Variants in CTNNA3 observed in about 807,000 individuals in gnomAD.
CTNNA3 encodes the protein catenin alpha 3.
Under a neutral mutation model 95.7 loss-of-function variants are expected in CTNNA3, and 76 were observed. The observed-to-expected ratio is 0.79, with a 90% CI of 0.66 to 0.96. The LOEUF (loss-of-function observed/expected upper bound fraction) is 0.96, where lower values mean the gene tolerates loss of function less well. Ranked by LOEUF, CTNNA3 falls within the 40% of genes least tolerant of loss-of-function variation. The pLI, the probability that CTNNA3 is intolerant of heterozygous loss-of-function variation, is 0.00. For missense variants in CTNNA3, 1,191 were observed against 1,089.8 expected, an observed-to-expected ratio of 1.09 and a Z score of -1.31; for synonymous variants, 431 against 374.4, an observed-to-expected ratio of 1.15 and a Z score of -1.74.
chr10:66,113,929 G>C (rs1012146636), intron 13 of CTNNA3, among the ~76,000 whole-genome samples: 1 of 152,030 alleles, frequency 6.6e-6, no homozygotes, highest in East Asian at 1.9e-4. Context: ...CTTGATCTAT[G>C]GGGGGAGGTG....
At chr10:66,310,742 A>C (rs1469257550) in intron 12 of CTNNA3, among the ~76,000 whole-genome samples, 1 of 144,276 alleles carries the variant, frequency 6.9e-6, no homozygotes, top group Non-Finnish European at 1.5e-5. Context: ...GCTGGAGTGC[A>C]GTGGTGCGAA....
chr10:66,617,546 T>C (rs568114573), intron 10 of CTNNA3, among the ~76,000 whole-genome samples: 2 of 152,266 alleles, frequency 1.3e-5, no homozygotes, highest in South Asian at 2.1e-4. Context: ...AATCAGGTAT[T>C]GATGGGACGT....
At chr10:66,509,030 G>T (rs553554299) in intron 11 of CTNNA3, among the ~76,000 whole-genome samples, 1 of 152,072 alleles carries the variant, frequency 6.6e-6, no homozygotes, top group South Asian at 2.1e-4. Flanking sequence ...CATTTCTTCT[G>T]CATCAACACC....
intron 15 of CTNNA3, among the ~76,000 whole-genome samples, chr10:65,994,805 T>C (rs1306474760): frequency 2.0e-5 from 3 of 152,160 alleles, no homozygotes; most frequent in African/African-American, 7.2e-5. Flanking sequence ...TTTGGTTACT[T>C]TATGGAGCCC....
At chr10:66,641,145 T>G (rs1589055686) in intron 9 of CTNNA3, among the ~76,000 whole-genome samples, 1 of 152,214 alleles carries the variant, frequency 6.6e-6, no homozygotes, top group Middle Eastern at 3.4e-3. Flanking sequence ...GGCCTATCCT[T>G]AGGAAGGAAA....
Position 65,920,456 on chromosome 10 carries a change from T to C in CTNNA3, c.2562A>G (p.Ala854=), listed in dbSNP as rs752661010. The change falls in exon 18 of 18, where the codon GCA becomes GCG. Residue 854 remains alanine, a synonymous_variant. Transcript: ENST00000433211. ...PVVMWRMKAP[A]KKPLIKREKP... Reference sequence around the variant, plus strand: ...TCTCTCTTTTAATCAAGGGTTTTTTTGCAGGAGCCTTCATTCTCCACATCA... The same window carrying C: ...TCTCTCTTTTAATCAAGGGTTTTTTCGCAGGAGCCTTCATTCTCCACATCA... The C allele has an allele frequency of 2.4e-5, 39 of 1,614,066 alleles. No individual in the cohort carries two copies. Among genetic ancestry groups the C allele is most frequent in the Non-Finnish European group, 3.2e-5 (38 of 1,180,036 alleles).
chr10:67,562,667 G>A (rs1263310397), intron 3 of CTNNA3, among the ~76,000 whole-genome samples: 2 of 151,796 alleles, frequency 1.3e-5, no homozygotes, highest in South Asian at 2.1e-4. Context: ...GTAAATAAAG[G>A]GTATTCAATT....
At chr10:66,403,029 T>C (rs1413494449) in intron 11 of CTNNA3, among the ~76,000 whole-genome samples, 2 of 152,140 alleles carry the variant, frequency 1.3e-5, no homozygotes, top group East Asian at 3.9e-4. Context: ...CAATTGCAAA[T>C]CAGAAAATCG....
intron 5 of CTNNA3, among the ~76,000 whole-genome samples, chr10:67,344,474 G>T (rs1044067869): frequency 6.6e-6 from 1 of 151,982 alleles, no homozygotes; most frequent in Non-Finnish European, 1.5e-5. Context: ...AAGCCACTGG[G>T]TCTGGGCTTT....
intron 6 of CTNNA3, among the ~76,000 whole-genome samples, chr10:67,190,346 T>C (rs1863063513): frequency 6.6e-6 from 1 of 152,022 alleles, no homozygotes; most frequent in South Asian, 2.1e-4. Context: ...ACAACAACAC[T>C]TTGTATTTTC....
At chr10:67,445,249 A>C (rs959831363) in intron 5 of CTNNA3, among the ~76,000 whole-genome samples, 4 of 152,086 alleles carry the variant, frequency 2.6e-5, no homozygotes, top group African/African-American at 9.7e-5. Flanking sequence ...ACCAAAGAAA[A>C]GCAACTTCAT....
At chr10:66,226,863 T>C (rs1004966768) in intron 13 of CTNNA3, among the ~76,000 whole-genome samples, 14 of 152,140 alleles carry the variant, frequency 9.2e-5, no homozygotes, top group Admixed American at 6.6e-5. Flanking sequence ...TCACTAAGTT[T>C]ATTATTGGTG....
chr10:67,114,554 A>G (rs920428315), intron 7 of CTNNA3, among the ~76,000 whole-genome samples: 2 of 152,108 alleles, frequency 1.3e-5, no homozygotes, highest in Non-Finnish European at 2.9e-5. Flanking sequence ...TTGTTATACT[A>G]TAAATATGGA....
chr10:66,219,054 C>T (rs969959953), intron 13 of CTNNA3, among the ~76,000 whole-genome samples: 4 of 152,132 alleles, frequency 2.6e-5, no homozygotes, highest in South Asian at 2.1e-4. Context: ...TATGTGGGAA[C>T]AGATAACTTA....
At chr10:66,914,650 G>A (rs1028668858) in intron 7 of CTNNA3, among the ~76,000 whole-genome samples, 2 of 151,522 alleles carry the variant, frequency 1.3e-5, no homozygotes, top group Non-Finnish European at 2.9e-5. Flanking sequence ...AACTTAAAAA[G>A]AGCTCATGGA....
intron 7 of CTNNA3, among the ~76,000 whole-genome samples, chr10:66,966,831 CTG>C (rs1849442540): frequency 6.6e-6 from 1 of 152,048 alleles, no homozygotes; most frequent in Non-Finnish European, 1.5e-5. Context: ...CTCCATATCT[CTG>C]TGTTACCCAA....
At chr10:67,556,579 C>A (rs1382161604) in intron 3 of CTNNA3, among the ~76,000 whole-genome samples, 1 of 152,096 alleles carries the variant, frequency 6.6e-6, no homozygotes, top group East Asian at 1.9e-4. Context: ...TACTTTGTAT[C>A]TCTGTGGGAT....
intron 5 of CTNNA3, among the ~76,000 whole-genome samples, chr10:67,284,945 G>A (rs1839539516): frequency 6.6e-6 from 1 of 152,078 alleles, no homozygotes; most frequent in Admixed American, 6.5e-5. Flanking sequence ...CTCACCCCCT[G>A]GGGGTGGCAC....
In CTNNA3 at chr10:66,068,996, C is replaced by G. The variant is rs1356249313; in HGVS notation, c.2159+312G>C. The stretch of plus-strand genomic sequence containing the variant: ...AGATAGCTCCAATACCAGCGAATCA[C>G]TTGGTTTACCAAATTCTTTGTAGAA... On this transcript the variant is annotated intron_variant, in intron 15 of 17. Transcript: ENST00000433211. Among the ~76,000 whole-genome samples the G allele has an allele frequency of 2.0e-5, 3 of 152,274 alleles. No individual in the cohort carries two copies. The East Asian group carries it at 5.8e-4, about 29-fold the overall frequency.
Sources: allele counts gnomAD v4.1 joint callset (sites outside exome capture counted in the v4.1 genomes callset), GRCh38; gene constraint gnomAD v4.1.1; transcripts MANE v1.5; gene names NCBI Gene and HGNC (gene_info 2026-07-23, HGNC 2026-07-21).